Variants in DENND1B observed in about 807,000 individuals in gnomAD.
DENND1B encodes DENN domain containing 1B.
A neutral mutation model predicts 90.1 loss-of-function variants in DENND1B; 59 were observed. The observed-to-expected ratio is 0.65, with a 90% CI of 0.53 to 0.81. The LOEUF is 0.81. Among genes scored for constraint, DENND1B ranks in the 40% least tolerant of loss-of-function variants. The pLI, the probability that DENND1B is intolerant of heterozygous loss-of-function variation, is 0.00. For missense variants in DENND1B, 862 were observed against 912.6 expected (o/e 0.94, Z 0.71); for synonymous variants, 337 against 324.6 (o/e 1.04, Z -0.41).
intron 2 of DENND1B, among the ~76,000 whole-genome samples, chr1:197,770,713 A>AAAT (rs1656395544): frequency 1.4e-5 from 2 of 142,270 alleles, no homozygotes; most frequent in African/African-American, 5.1e-5. Context: ...TAAATATATA[A>AAAT]ATATATATCT....
intron 2 of DENND1B, chr1:197,734,395 G>C (rs1321853243): frequency 1.0e-6 from 1 of 984,746 alleles, no homozygotes; most frequent in African/African-American, 1.7e-5. Context: ...AGGGGCTTTG[G>C]GGACTGCTGC....
rs550222268 is a variant in DENND1B, at chr1:197,531,283, T to C, written c.1515+8681A>G. Among the ~76,000 whole-genome samples, 18 of 152,304 alleles carry C rather than the reference T, an allele frequency of 1.2e-4. No individual in the cohort carries two copies. In the South Asian group the frequency reaches 3.7e-3, roughly 32 times the overall value. The stretch of plus-strand genomic sequence containing the variant: ...TTTCAACTGTATAAAAATTGAAGTT[T>C]GAAAAATAGTAGTAGGAACATGAAA... On this transcript the variant is annotated intron_variant, in intron 20 of 22. Coordinates refer to ENST00000620048, the MANE Select transcript of DENND1B (RefSeq NM_001195215.2).
At chr1:197,520,196 C>T (rs1338442253) in intron 20 of DENND1B, among the ~76,000 whole-genome samples, 1 of 151,934 alleles carries the variant, frequency 6.6e-6, no homozygotes, top group Non-Finnish European at 1.5e-5. Context: ...CATCTCTTCA[C>T]TTCAACATCC....
chr1:197,756,602 A>AT (rs1654327543), intron 2 of DENND1B, among the ~76,000 whole-genome samples: 2 of 139,024 alleles, frequency 1.4e-5, no homozygotes, highest in African/African-American at 5.1e-5. Context: ...AAAAAAAAAA[A>AT]ATATGCCCCC....
intron 2 of DENND1B, among the ~76,000 whole-genome samples, chr1:197,770,744 ATATC>A (rs1571695385): frequency 7.1e-6 from 1 of 141,838 alleles, no homozygotes; most frequent in East Asian, 2.0e-4. Context: ...ATAAATATAT[ATATC>A]TATAAATATA....
In DENND1B at chr1:197,583,249, T is replaced by G; in HGVS notation, c.1052A>C (p.Glu351Ala). 1.2e-6 allele frequency: 2 copies of G among 1,613,596 alleles called. No individual in the cohort carries two copies. Among genetic ancestry groups the G allele is most frequent in the Non-Finnish European group, 1.7e-6 (2 of 1,179,672 alleles). Residue 351 changes from glutamate (E) to alanine (A), a missense_variant, in exon 15 of 23, where the codon GAG (glutamate) becomes GCG (alanine). Coordinates refer to ENST00000620048, the MANE Select transcript of DENND1B (RefSeq NM_001195215.2). The part of the protein sequence containing the change: ...YRDALRYKPG[E>A]PITFCEESFV... The stretch of plus-strand genomic sequence containing the variant: ...ACTCTCCTCACAGAAAGTGATGGGC[T>G]CACCCTAGATAGAAATAAAGATTTT...
intron 2 of DENND1B, among the ~76,000 whole-genome samples, chr1:197,759,370 G>T (rs895177950): frequency 2.0e-5 from 3 of 150,046 alleles, no homozygotes; most frequent in African/African-American, 7.3e-5. Flanking sequence ...AGGAACTAAA[G>T]AATTAAGCTA....
At chr1:197,701,446 G>A (rs1659018845) in intron 3 of DENND1B, among the ~76,000 whole-genome samples, 1 of 152,146 alleles carries the variant, frequency 6.6e-6, no homozygotes, top group Admixed American at 6.5e-5. Flanking sequence ...AGGGGTGAGG[G>A]GAAGGAACTT....
intron 5 of DENND1B, among the ~76,000 whole-genome samples, chr1:197,668,130 C>A (rs1307197920): frequency 1.3e-5 from 2 of 152,050 alleles, no homozygotes; most frequent in Admixed American, 6.5e-5. Context: ...TAACAACATA[C>A]TATAAATATT....
In DENND1B at chr1:197,599,519, T is replaced by C. The variant is rs117443212; in HGVS notation, c.922-4186A>G. On this transcript the variant is annotated intron_variant, in intron 13 of 22. Coordinates refer to ENST00000620048, the MANE Select transcript of DENND1B (RefSeq NM_001195215.2). ...ACTAAACTGCTCTCTAAAAACTACATACATTTAGAAAAGTTAAAGTGTCAA... is the reference window on the plus strand; with the variant it reads ...ACTAAACTGCTCTCTAAAAACTACACACATTTAGAAAAGTTAAAGTGTCAA... Among the ~76,000 whole-genome samples the C allele has an allele frequency of 7.0e-4, 106 of 151,990 alleles. No individual in the cohort carries two copies. In the East Asian group the frequency reaches 0.021, roughly 30 times the overall value.
intron 2 of DENND1B, among the ~76,000 whole-genome samples, chr1:197,741,178 C>T (rs957240325): frequency 6.6e-6 from 1 of 152,136 alleles, no homozygotes; most frequent in African/African-American, 2.4e-5. Context: ...TCAAGATAAA[C>T]ACCGCTGGCT....
chr1:197,591,231 A>C (rs2125795877), intron 14 of DENND1B, among the ~76,000 whole-genome samples: 1 of 152,296 alleles, frequency 6.6e-6, no homozygotes, highest in Admixed American at 6.5e-5. Context: ...AGAAGAAATG[A>C]CTATATCACC....
chr1:197,700,383 C>A (rs983190018), intron 3 of DENND1B, among the ~76,000 whole-genome samples: 1 of 150,930 alleles, frequency 6.6e-6, no homozygotes, highest in Admixed American at 6.6e-5. Flanking sequence ...ATCTCCTATT[C>A]AGGAGCTAGG....
intron 15 of DENND1B, among the ~76,000 whole-genome samples, chr1:197,570,480 T>C (rs1191256660): frequency 6.6e-6 from 1 of 152,168 alleles, no homozygotes; most frequent in African/African-American, 2.4e-5. Flanking sequence ...AGAATAATCT[T>C]AAGAAACAAA....
At chr1:197,540,128 G>A (rs904193535) in intron 19 of DENND1B, 57 bp from the exon 20 acceptor site, 52 of 1,189,964 alleles carry the variant, frequency 4.4e-5, no homozygotes, top group Middle Eastern at 2.2e-4. Context: ...TATTACTAAC[G>A]TATTAGATTA....
At chr1:197,696,425 T>C (rs1658439957) in intron 3 of DENND1B, among the ~76,000 whole-genome samples, 1 of 151,522 alleles carries the variant, frequency 6.6e-6, no homozygotes, top group Non-Finnish European at 1.5e-5. Flanking sequence ...AAGCACATAC[T>C]AGGTTGTCAG....
At chr1:197,534,782 A>G (rs184280210) in intron 20 of DENND1B, among the ~76,000 whole-genome samples, 14 of 152,316 alleles carry the variant, frequency 9.2e-5, no homozygotes, top group African/African-American at 3.1e-4. Context: ...GACTTTAACC[A>G]CATCCAAATA....
chr1:197,647,122 T>A lies in DENND1B; in HGVS notation c.448-8A>T, dbSNP rs968154565. 18 of 1,433,562 alleles carry A rather than the reference T, an allele frequency of 1.3e-5. No homozygotes were observed. The highest frequency in any genetic ancestry group is 3.0e-5 in the African/African-American group (2 of 66,028). 88.8% of individuals were successfully genotyped at this position (1,433,562 alleles called of 1,614,324 possible). On this transcript the variant is annotated splice_polypyrimidine_tract_variant and splice_region_variant and intron_variant, in intron 7 of 22. Transcript: ENST00000620048. Reference sequence around the variant, plus strand: ...AATAAATATCTCTTGGTTCTTATAATACATGAGAGAAAAAAATGAATATTT... The same window carrying A: ...AATAAATATCTCTTGGTTCTTATAAAACATGAGAGAAAAAAATGAATATTT...
At chr1:197,721,563 T>C (rs1661183869) in intron 2 of DENND1B, among the ~76,000 whole-genome samples, 1 of 152,076 alleles carries the variant, frequency 6.6e-6, no homozygotes, top group African/African-American at 2.4e-5. Flanking sequence ...AAGGATAATC[T>C]GGGCCATAAA....
Sources: allele counts gnomAD v4.1 joint callset (sites outside exome capture counted in the v4.1 genomes callset), GRCh38; gene constraint gnomAD v4.1.1; transcripts MANE v1.5; gene names NCBI Gene and HGNC (gene_info 2026-07-23, HGNC 2026-07-21).